The following ZBTB7C variants were observed in gnomAD, a reference collection of about 807,000 sequenced individuals.
The protein encoded by ZBTB7C is zinc finger and BTB domain containing 7C, also known as zinc finger and BTB domain-containing protein 7C.
In ZBTB7C, 8 loss-of-function variants were observed where a neutral mutation model predicts 25.7. That is an observed-to-expected ratio of 0.31 (90% CI 0.18 to 0.56). The LOEUF is 0.56. Among genes scored for constraint, ZBTB7C ranks in the 20% least tolerant of loss-of-function variants. The pLI is 0.91. For missense variants in ZBTB7C, 824 were observed against 855.2 expected, an observed-to-expected ratio of 0.96 and a Z score of 0.46; for synonymous variants, 394 against 369.0, an observed-to-expected ratio of 1.07 and a Z score of -0.78.
intron 2 of ZBTB7C, among the ~76,000 whole-genome samples, chr18:48,254,861 A>T (rs2043978949): frequency 6.6e-6 from 1 of 152,220 alleles, no homozygotes; most frequent in South Asian, 2.1e-4. Flanking sequence ...CTGACTTGCC[A>T]TGCACATCAG....
At chr18:48,055,675 A>G (rs1032582540) in intron 3 of ZBTB7C, among the ~76,000 whole-genome samples, 4 of 152,118 alleles carry the variant, frequency 2.6e-5, no homozygotes, top group Non-Finnish European at 4.4e-5. Flanking sequence ...CAGCCACAGG[A>G]GCCCAGCACC....
Position 48,375,906 on chromosome 18 carries a change from G to T in ZBTB7C, c.-304+33320C>A, listed in dbSNP as rs184329586. On this transcript the variant is annotated intron_variant, in intron 1 of 4. Coordinates refer to ENST00000590800, the MANE Select transcript of ZBTB7C (RefSeq NM_001318841.2). ...GTCCCAATTCTGCCATCAACTACTA[G>T]CTTGGAGACCTTAGGCAAGTCATTT... Among the ~76,000 whole-genome samples the T allele has an allele frequency of 1.2e-4, 18 of 152,300 alleles. No individual in the cohort carries two copies. The East Asian group carries it at 2.9e-3, about 25-fold the overall frequency.
At chr18:48,373,307 T>C (rs991057460) in intron 1 of ZBTB7C, among the ~76,000 whole-genome samples, 1 of 152,006 alleles carries the variant, frequency 6.6e-6, no homozygotes, top group Non-Finnish European at 1.5e-5. Flanking sequence ...CTCCTGCTTG[T>C]GCCTACTCCT....
At chr18:48,050,991 C>A (rs770148856) in intron 3 of ZBTB7C, among the ~76,000 whole-genome samples, 1 of 151,268 alleles carries the variant, frequency 6.6e-6, no homozygotes, top group Non-Finnish European at 1.5e-5. Context: ...ATTGATTTGC[C>A]CAAGGTCACA....
intron 2 of ZBTB7C, among the ~76,000 whole-genome samples, chr18:48,297,654 C>T (rs144095519): frequency 1.2e-4 from 19 of 152,290 alleles, no homozygotes; most frequent in Admixed American, 2.0e-4. Flanking sequence ...AACTGCAGAA[C>T]GTCTTAAACC....
intron 3 of ZBTB7C, among the ~76,000 whole-genome samples, chr18:48,171,002 C>T (rs2041458670): frequency 6.6e-6 from 1 of 152,234 alleles, no homozygotes; most frequent in Non-Finnish European, 1.5e-5. Flanking sequence ...ATAGCCTACA[C>T]TCAACTGTCT....
chr18:48,160,954 C>T (rs1469655812), intron 3 of ZBTB7C, among the ~76,000 whole-genome samples: 28 of 102,682 alleles, frequency 2.7e-4, no homozygotes, highest in Admixed American at 4.5e-4. Context: ...TTTTTTTTTT[C>T]CAGTGCCGGG....
chr18:48,187,722 G>A (rs1422898569), intron 2 of ZBTB7C, among the ~76,000 whole-genome samples: 1 of 151,328 alleles, frequency 6.6e-6, no homozygotes, highest in Non-Finnish European at 1.5e-5. Context: ...TCGGGAGGCT[G>A]AGGCAGGAGA....
intron 3 of ZBTB7C, among the ~76,000 whole-genome samples, chr18:48,179,899 C>CTCCT (rs1457259626): frequency 7.2e-6 from 1 of 138,152 alleles, no homozygotes; most frequent in Non-Finnish European, 1.5e-5. Context: ...GAAGATATTT[C>CTCCT]TCCTTCCTTC....
intron 3 of ZBTB7C, among the ~76,000 whole-genome samples, chr18:48,043,925 G>A (rs958064314): frequency 6.6e-6 from 1 of 152,142 alleles, no homozygotes; most frequent in Non-Finnish European, 1.5e-5. Flanking sequence ...AGAGGAGGGG[G>A]GCGCTTTACC....
intron 2 of ZBTB7C, among the ~76,000 whole-genome samples, chr18:48,281,395 C>A (rs1378042871): frequency 1.3e-5 from 2 of 152,098 alleles, no homozygotes; most frequent in Non-Finnish European, 2.9e-5. Context: ...AGGACATAGG[C>A]ATGGGCAAGG....
At chr18:48,351,739 G>A (rs2046867094) in intron 1 of ZBTB7C, among the ~76,000 whole-genome samples, 1 of 152,164 alleles carries the variant, frequency 6.6e-6, no homozygotes, top group Non-Finnish European at 1.5e-5. Flanking sequence ...TGACAGCAGT[G>A]ACTGATTAAG....
intron 4 of ZBTB7C, among the ~76,000 whole-genome samples, chr18:48,034,839 C>T (rs970488653): frequency 3.9e-5 from 6 of 152,142 alleles, no homozygotes; most frequent in African/African-American, 1.2e-4. Context: ...AGCTCATCGT[C>T]GGGAAAGTCA....
chr18:48,096,435 C>A (rs1408566164), intron 3 of ZBTB7C, among the ~76,000 whole-genome samples: 1 of 152,172 alleles, frequency 6.6e-6, no homozygotes, highest in African/African-American at 2.4e-5. Context: ...ATCAGGGTGG[C>A]CACTGATTGC....
chr18:48,035,008 C>T lies in ZBTB7C; in HGVS notation c.1208+4892G>A, dbSNP rs146993899. On this transcript the variant is annotated intron_variant, in intron 4 of 4. Coordinates refer to ENST00000590800, the MANE Select transcript of ZBTB7C (RefSeq NM_001318841.2). Reference sequence around the variant, plus strand: ...ACCCGATGGTTTGAGACACACTCTTCCTGCTACCACTGCTAATGCCATTAC... The same window carrying T: ...ACCCGATGGTTTGAGACACACTCTTTCTGCTACCACTGCTAATGCCATTAC... 9.2e-5 allele frequency among the ~76,000 whole-genome samples: 14 copies of T among 152,328 alleles called. No individual in the cohort carries two copies. The East Asian group carries it at 2.3e-3, about 25-fold the overall frequency.
chr18:48,411,353 T>C (rs1186589955), upstream of ZBTB7C, among the ~76,000 whole-genome samples: 1 of 152,250 alleles, frequency 6.6e-6, no homozygotes, highest in Non-Finnish European at 1.5e-5. Context: ...CTAAGGTATG[T>C]TCAGGCTCAG....
At chr18:48,060,909 G>A (rs904509496) in intron 3 of ZBTB7C, among the ~76,000 whole-genome samples, 8 of 152,072 alleles carry the variant, frequency 5.3e-5, no homozygotes, top group African/African-American at 1.2e-4. Flanking sequence ...CCCATAGCCC[G>A]TAGAGTGAAA....
chr18:48,217,087 C>T (rs1385410611), intron 2 of ZBTB7C, among the ~76,000 whole-genome samples: 1 of 152,166 alleles, frequency 6.6e-6, no homozygotes, highest in Non-Finnish European at 1.5e-5. Context: ...TGGCAGAGGC[C>T]TGCAGCAGGT....
chr18:48,280,215 T>G (rs1046056918), intron 2 of ZBTB7C, among the ~76,000 whole-genome samples: 1 of 152,024 alleles, frequency 6.6e-6, no homozygotes, highest in Non-Finnish European at 1.5e-5. Context: ...AAAGGTACCA[T>G]GGAGGCTGGA....
Sources: gnomAD v4.1 joint callset for allele counts (sites outside exome capture counted in the v4.1 genomes callset) on GRCh38, gnomAD v4.1.1 for gene constraint, MANE v1.5 for transcripts, NCBI Gene and HGNC (gene_info 2026-07-23, HGNC 2026-07-21) for gene names.